Variants in COL28A1 observed in about 807,000 individuals in gnomAD.
COL28A1 encodes the protein collagen type XXVIII alpha 1 chain.
Under a neutral mutation model 150.2 loss-of-function variants are expected in COL28A1, and 161 were observed. That is an observed-to-expected ratio of 1.07 (90% CI 0.94 to 1.22). The LOEUF is 1.22. COL28A1 is among the 50% of genes most tolerant of loss of function. COL28A1 has a pLI of 0.00. For synonymous variants in COL28A1, 552 were observed against 469.7 expected, an observed-to-expected ratio of 1.18 and a Z score of -2.26; for missense variants, 1,617 against 1,388.3, an observed-to-expected ratio of 1.16 and a Z score of -2.62.
chr7:7,370,606 G>T (rs765715537), intron 33 of COL28A1, 119 bp downstream of exon 33: 22 of 658,396 alleles, frequency 3.3e-5, no homozygotes, highest in Middle Eastern at 6.8e-4. Flanking sequence ...TAGAGCCAAG[G>T]ACCTAAAAAT....
chr7:7,499,821 A>G (rs1780424492), intron 11 of COL28A1, among the ~76,000 whole-genome samples: 1 of 152,232 alleles, frequency 6.6e-6, no homozygotes, highest in Non-Finnish European at 1.5e-5. Flanking sequence ...GCTAATTTTG[A>G]GCCAAACCAA....
intron 11 of COL28A1, among the ~76,000 whole-genome samples, chr7:7,498,047 AT>A (rs1780316468): frequency 6.6e-6 from 1 of 152,206 alleles, no homozygotes; most frequent in African/African-American, 2.4e-5. Context: ...GAAGAATATA[AT>A]AAAAATTATA....
At chr7:7,542,293 T>G in the COL28A1 span, among the ~76,000 whole-genome samples, 10 of 152,180 alleles carry the variant, frequency 6.6e-5, no homozygotes, top group African/African-American at 2.2e-4. Context: ...ATGGCACCAC[T>G]GCACTCCGGC....
At chr7:7,454,322 T>C (rs1481379885) in intron 16 of COL28A1, among the ~76,000 whole-genome samples, 1 of 152,122 alleles carries the variant, frequency 6.6e-6, no homozygotes, top group Non-Finnish European at 1.5e-5. Context: ...GATAAACACA[T>C]CAAATTAAAG....
At chr7:7,486,974 T>C (rs948403308) in intron 13 of COL28A1, among the ~76,000 whole-genome samples, 1 of 152,204 alleles carries the variant, frequency 6.6e-6, no homozygotes, top group Admixed American at 6.5e-5. Flanking sequence ...TGATAAACGT[T>C]TCTTCCTCTT....
At chr7:7,457,754 G>T (rs10280707) in intron 15 of COL28A1, among the ~76,000 whole-genome samples, 2,029 of 152,328 alleles carry the variant, frequency 0.013, 41 homozygotes, top group African/African-American at 0.046. Context: ...ACCAAGTGAA[G>T]AGAGTGTTTC....
intron 3 of COL28A1, among the ~76,000 whole-genome samples, chr7:7,528,256 T>A (rs1782141282): frequency 6.6e-6 from 1 of 152,210 alleles, no homozygotes; most frequent in Non-Finnish European, 1.5e-5. Context: ...CCTCTCTTAC[T>A]CTTCTACAGG....
chr7:7,398,473 G>A (rs1248943316), intron 27 of COL28A1, among the ~76,000 whole-genome samples: 1 of 152,164 alleles, frequency 6.6e-6, no homozygotes, highest in East Asian at 1.9e-4. Context: ...ATGGATACAT[G>A]CTCACAATTT....
At chr7:7,360,238 T>G (rs1780573285) in intron 34 of COL28A1, 152 bp downstream of exon 34, 1 of 685,998 alleles carries the variant, frequency 1.5e-6, no homozygotes, top group South Asian at 3.9e-5. Context: ...CCTGCTTGTT[T>G]AGAATCATAA....
At chr7:7,492,765 G>A (rs1779991208) in intron 11 of COL28A1, among the ~76,000 whole-genome samples, 1 of 151,540 alleles carries the variant, frequency 6.6e-6, no homozygotes, top group African/African-American at 2.4e-5. Context: ...ATGATCCTTT[G>A]ATATTTAAGT....
At chr7:7,533,424 C>T (rs777312490) in intron 1 of COL28A1, among the ~76,000 whole-genome samples, 1 of 151,828 alleles carries the variant, frequency 6.6e-6, no homozygotes, top group African/African-American at 2.4e-5. Flanking sequence ...GTTCAGAGGT[C>T]AAGGTAAAAA....
At chr7:7,525,891 G>A (rs1454257576) in intron 3 of COL28A1, among the ~76,000 whole-genome samples, 1 of 152,030 alleles carries the variant, frequency 6.6e-6, no homozygotes, top group Non-Finnish European at 1.5e-5. Flanking sequence ...ATGATCTCAG[G>A]AGCTATAAAA....
chr7:7,513,337 A>G (rs1015580654), intron 8 of COL28A1, among the ~76,000 whole-genome samples: 1 of 152,240 alleles, frequency 6.6e-6, no homozygotes, highest in African/African-American at 2.4e-5. Context: ...CCATGTTCTT[A>G]TCAGTCACCT....
At chr7:7,398,537 T>G (rs1048823189) in intron 27 of COL28A1, among the ~76,000 whole-genome samples, 3 of 152,246 alleles carry the variant, frequency 2.0e-5, no homozygotes, top group Non-Finnish European at 2.9e-5. Context: ...AATGAAATTG[T>G]TCTTAGTTTA....
At chr7:7,413,290 T>G (rs185102136) in intron 27 of COL28A1, among the ~76,000 whole-genome samples, 1 of 152,160 alleles carries the variant, frequency 6.6e-6, no homozygotes, top group Non-Finnish European at 1.5e-5. Context: ...GAAGTTGCCA[T>G]GTAGACCACC....
At chr7:7,381,884 T>G (rs1562509034) in intron 27 of COL28A1, among the ~76,000 whole-genome samples, 1 of 152,186 alleles carries the variant, frequency 6.6e-6, no homozygotes, top group Non-Finnish European at 1.5e-5. Flanking sequence ...GTAAATACTT[T>G]CACTGTGGCT....
At chr7:7,420,188 C>A in intron 25 of COL28A1, 1 of 314,310 alleles carries the variant, frequency 3.2e-6, no homozygotes, top group East Asian at 5.3e-5. Flanking sequence ...TTTTTCAGAA[C>A]CCTCTTCTCT....
rs35277875 is a variant in COL28A1 at position 7,373,705 on chromosome 7, CT to C, written c.2360-160del. Among the ~76,000 whole-genome samples the C allele has an allele frequency of 1.9e-4, 28 of 144,064 alleles. No individual in the cohort carries two copies. Among genetic ancestry groups the C allele is most frequent in the Admixed American group, 4.1e-4 (6 of 14,592 alleles). 94.5% of individuals were successfully genotyped at this position (144,064 alleles called of 152,430 possible). On this transcript the variant is annotated intron_variant, in intron 31 of 34. Transcript: ENST00000399429. This position sits in a 1 kb window ranked among gnomAD's most constrained non-coding sequence, Gnocchi z 4.1. ...CTGACAGCTGTCTCCATTCTGGTTT[CT>C]TTTTTTTTTTGTGAGACAGAGTCTC...
intron 13 of COL28A1, among the ~76,000 whole-genome samples, chr7:7,484,802 A>G (rs552701619): frequency 1.4e-4 from 21 of 152,196 alleles, no homozygotes; most frequent in Non-Finnish European, 2.5e-4. Context: ...GCACAGCCAT[A>G]AGAAAGAATG....
Sources: allele counts gnomAD v4.1 joint callset (sites outside exome capture counted in the v4.1 genomes callset), GRCh38; gene constraint gnomAD v4.1.1; non-coding constraint Gnocchi (gnomAD v3.1); transcripts MANE v1.5; gene names NCBI Gene and HGNC (gene_info 2026-07-23, HGNC 2026-07-21).